PDXDC1: variants seen among roughly 807,000 people sequenced by gnomAD.
The protein encoded by PDXDC1 is pyridoxal dependent decarboxylase domain containing 1.
PDXDC1 carries 42 observed loss-of-function variants against 100.1 expected under a neutral mutation model. The ratio of observed to expected loss-of-function variants is 0.42; its 90% CI spans 0.33 to 0.54. PDXDC1 has a LOEUF of 0.54. PDXDC1 is among the 20% of genes least tolerant of loss of function. The pLI is 0.10. For synonymous variants in PDXDC1, 260 were observed against 371.7 expected (o/e 0.70, Z 3.46); for missense variants, 636 against 979.2 (o/e 0.65, Z 4.68).
chr16:15,137,504 G>A lies in PDXDC1; in HGVS notation c.1400-1375G>A, dbSNP rs2048385761. 14 of 1,165,874 alleles carry A rather than the reference G, an allele frequency of 1.2e-5. No individual in the cohort carries two copies. The East Asian group carries it at 3.1e-4, about 25-fold the overall frequency. The allele number at this position is 1,165,874 out of a possible 1,614,324, so 72.2% of individuals were successfully genotyped here. On this transcript the variant is annotated intron_variant, in intron 16 of 16. Coordinates refer to the PDXDC1 transcript ENST00000535621. ...AAAGGACACTGCTGCCACGGTGCCT[G>A]AGCTGTTGTCAGGGAGGCAGGCGAC... is the stretch of plus-strand genomic sequence containing the variant.
intron 16 of PDXDC1, chr16:15,132,730 G>C (rs1476095264): frequency 9.3e-7 from 1 of 1,071,990 alleles, no homozygotes; most frequent in Non-Finnish European, 1.4e-6. Context: ...CCATGCACTG[G>C]GCCAGCGCAG....
At chr16:15,074,074 A>G (rs1300941047) in intron 16 of PDXDC1, among the ~76,000 whole-genome samples, 2 of 152,194 alleles carry the variant, frequency 1.3e-5, no homozygotes, top group Admixed American at 1.3e-4. Context: ...AATGCTCACA[A>G]TGGTTCTCTG....
At chr16:15,047,756 G>A (rs974315257) in intron 16 of PDXDC1, 9 of 1,086,954 alleles carry the variant, frequency 8.3e-6, no homozygotes, top group East Asian at 2.4e-5. Flanking sequence ...AGCGGAGTCC[G>A]CTTCCAACAA....
intron 8 of PDXDC1, among the ~76,000 whole-genome samples, chr16:15,014,641 C>T (rs1380610803): frequency 2.6e-5 from 4 of 152,268 alleles, no homozygotes; most frequent in African/African-American, 9.6e-5. Context: ...CTTTTCCTGG[C>T]ATAGACCTTA....
intron 16 of PDXDC1, among the ~76,000 whole-genome samples, chr16:15,116,479 CAAAAAAAAA>C (rs1193819668): frequency 7.1e-5 from 2 of 28,142 alleles, no homozygotes; most frequent in African/African-American, 1.1e-4. Context: ...GACTCTGTCT[CAAAAAAAAA>C]AAAAAAAAAA....
intron 16 of PDXDC1, chr16:15,133,323 G>A: frequency 4.7e-6 from 7 of 1,501,228 alleles, no homozygotes; most frequent in East Asian, 4.6e-5. Context: ...GGATCGGCCT[G>A]CCGCAGCAGC....
At chr16:15,128,482 C>T in intron 16 of PDXDC1, 1 of 729,154 alleles carries the variant, frequency 1.4e-6, no homozygotes. Flanking sequence ...CCTCCGCGCA[C>T]TCAAGGAGCC....
chr16:15,131,523 C>T, intron 16 of PDXDC1: 1 of 1,609,108 alleles, frequency 6.2e-7, no homozygotes, highest in Non-Finnish European at 8.5e-7. Context: ...TGCCCTGGGC[C>T]ACGATCTCCT....
At chr16:15,120,968 AAAG>A (rs1297103707) in intron 16 of PDXDC1, among the ~76,000 whole-genome samples, 15 of 71,938 alleles carry the variant, frequency 2.1e-4, no homozygotes, top group Non-Finnish European at 3.7e-4. Context: ...GTCTCAAAAA[AAAG>A]AAAAAAAAAA....
intron 16 of PDXDC1, chr16:15,076,735 C>G: frequency 1.1e-6 from 1 of 942,508 alleles, no homozygotes; most frequent in Non-Finnish European, 1.7e-6. Context: ...ATCTGATATA[C>G]GCATGTTCAA....
the PDXDC1 span, among the ~76,000 whole-genome samples, chr16:15,144,936 G>A: frequency 6.6e-6 from 1 of 152,170 alleles, no homozygotes; most frequent in African/African-American, 2.4e-5. Context: ...GAGAATGAGG[G>A]CCGGCTCCTG....
chr16:15,044,533 C>T (rs988088346), intron 16 of PDXDC1: 8 of 688,290 alleles, frequency 1.2e-5, no homozygotes, highest in African/African-American at 1.8e-5. Flanking sequence ...AGGTCATCTT[C>T]GTGCCACCGC....
intron 16 of PDXDC1, chr16:15,084,824 G>C: frequency 1.4e-6 from 1 of 738,608 alleles, no homozygotes; most frequent in South Asian, 1.5e-5. Context: ...CCAGCACTTT[G>C]GGAGGCCGAG....
chr16:15,035,436 T>C lies in PDXDC1; in HGVS notation c.2003-13T>C, dbSNP rs1193103141. 6.4e-6 allele frequency: 10 copies of C among 1,563,718 alleles called. No individual in the cohort carries two copies. The highest frequency in any genetic ancestry group is 2.7e-5 in the African/African-American group (2 of 73,176). On this transcript the variant is annotated splice_polypyrimidine_tract_variant and intron_variant, in intron 21 of 22. Coordinates refer to ENST00000396410, the MANE Select transcript of PDXDC1 (RefSeq NM_015027.4). ...TGCCTGTAGCTTCTACCCAGCCCTC[T>C]CCTCTCCCGCAGGCTCTCTGGAGTC...
At chr16:15,081,866 T>C (rs1271125123) in intron 16 of PDXDC1, among the ~76,000 whole-genome samples, 1 of 152,236 alleles carries the variant, frequency 6.6e-6, no homozygotes, top group East Asian at 1.9e-4. Flanking sequence ...TTCATTCTTT[T>C]GCATGTTCAT....
intron 16 of PDXDC1, among the ~76,000 whole-genome samples, chr16:15,066,274 G>A (rs1256359744): frequency 6.6e-6 from 1 of 152,120 alleles, no homozygotes; most frequent in Non-Finnish European, 1.5e-5. Context: ...GCAGCTGACC[G>A]CACTTCCGGG....
At chr16:15,092,673 C>T (rs2046184318) in intron 16 of PDXDC1, 3 of 1,132,662 alleles carry the variant, frequency 2.6e-6, no homozygotes, top group East Asian at 2.4e-5. Context: ...ATTATAATAG[C>T]CAACATTTAT....
At chr16:15,146,316 G>T in the PDXDC1 span, among the ~76,000 whole-genome samples, 1 of 152,160 alleles carries the variant, frequency 6.6e-6, no homozygotes, top group Admixed American at 6.5e-5. Flanking sequence ...GCCCACCAGC[G>T]ACAGCGCACA....
In PDXDC1 at chr16:15,127,000, A is replaced by T. The variant is rs550395256; in HGVS notation, c.1400-11879A>T. 64 of 338,832 alleles carry T rather than the reference A, an allele frequency of 1.9e-4. 1 individual carries two copies. The highest frequency in any genetic ancestry group is 1.5e-3 in the South Asian group (63 of 42,658). 21.0% of individuals were successfully genotyped at this position (338,832 alleles called of 1,614,324 possible). ...TAGATGTGGTCTTGCTATGTTGCCC[A>T]GGCTGGTCTCAAACTCCTGGACTCA... On this transcript the variant is annotated intron_variant, in intron 16 of 16. Transcript: ENST00000535621.
Sources: allele counts gnomAD v4.1 joint callset (sites outside exome capture counted in the v4.1 genomes callset), GRCh38; gene constraint gnomAD v4.1.1; transcripts MANE v1.5; gene names NCBI Gene and HGNC (gene_info 2026-07-23, HGNC 2026-07-21).